Variants in SPP2 observed in about 807,000 individuals in gnomAD.
SPP2 encodes secreted phosphoprotein 24.
SPP2 carries 34 observed loss-of-function variants against 28.8 expected under a neutral mutation model. The ratio of observed to expected loss-of-function variants is 1.18; its 90% CI spans 0.90 to 1.57. The LOEUF (loss-of-function observed/expected upper bound fraction) is 1.57, where lower values mean the gene tolerates loss of function less well. Among genes scored for constraint, SPP2 ranks in the 40% most tolerant of loss-of-function variants. The pLI, the probability that SPP2 is intolerant of heterozygous loss-of-function variation, is 0.00. For missense variants in SPP2, 269 were observed against 263.9 expected (o/e 1.02, Z -0.13); for synonymous variants, 96 against 89.4 (o/e 1.07, Z -0.42).
At chr2:234,058,256 G>A (rs575704815) in intron 2 of SPP2, among the ~76,000 whole-genome samples, 49 of 152,068 alleles carry the variant, frequency 3.2e-4, no homozygotes, top group African/African-American at 1.2e-3. Context: ...CCAGGCTTGG[G>A]GGCCATCATA....
Position 234,067,913 on chromosome 2 carries a change from A to G in SPP2, c.550+639A>G, listed in dbSNP as rs28903707. Among the ~76,000 whole-genome samples, 800 of 151,446 alleles carry G rather than the reference A, an allele frequency of 5.3e-3. 5 individuals carry two copies. Among genetic ancestry groups the G allele is most frequent in the Non-Finnish European group, 7.1e-3 (479 of 67,924 alleles). On this transcript the variant is annotated intron_variant, in intron 6 of 7. Coordinates refer to ENST00000168148, the MANE Select transcript of SPP2 (RefSeq NM_006944.3). ...TTTAAAAAGTAGCATGAACTCTAAT[A>G]TAATCTTGTTTTTTTAAACTAAAAA...
chr2:234,052,748 A>C (rs894834558), intron 2 of SPP2, among the ~76,000 whole-genome samples: 2 of 152,098 alleles, frequency 1.3e-5, no homozygotes, highest in Non-Finnish European at 2.9e-5. Flanking sequence ...TGATTATTCA[A>C]ATTCATTGGT....
chr2:234,072,459 C>T (rs889225578), intron 7 of SPP2, among the ~76,000 whole-genome samples: 2 of 151,934 alleles, frequency 1.3e-5, no homozygotes, highest in African/African-American at 4.8e-5. Context: ...AATGGATTGG[C>T]TGTATTTTGT....
intron 4 of SPP2, among the ~76,000 whole-genome samples, chr2:234,065,812 G>A (rs1297631871): frequency 6.6e-6 from 1 of 151,936 alleles, no homozygotes; most frequent in African/African-American, 2.4e-5. Context: ...TCTATTTTTT[G>A]TTTTGTTGTT....
chr2:234,052,177 G>C (rs1693511618), intron 2 of SPP2, among the ~76,000 whole-genome samples: 1 of 152,154 alleles, frequency 6.6e-6, no homozygotes, highest in African/African-American at 2.4e-5. Flanking sequence ...ATCATGGCCA[G>C]AGTGGAGTCA....
At chr2:234,062,638 A>G (rs1305793906) in intron 4 of SPP2, among the ~76,000 whole-genome samples, 1 of 152,194 alleles carries the variant, frequency 6.6e-6, no homozygotes, top group Non-Finnish European at 1.5e-5. Flanking sequence ...ATAAATATGG[A>G]GTAAATATGA....
chr2:234,072,902 T>TTTTGAGACAGAGTGTTGC (rs1690824224), intron 7 of SPP2, among the ~76,000 whole-genome samples: 1 of 152,238 alleles, frequency 6.6e-6, no homozygotes, highest in East Asian at 1.9e-4. Flanking sequence ...TTCCTTTTTA[T>TTTTGAGACAGAGTGTTGC]TTTGAGACAG....
intron 6 of SPP2, among the ~76,000 whole-genome samples, chr2:234,068,874 G>A (rs1693878527): frequency 6.6e-6 from 1 of 152,128 alleles, no homozygotes; most frequent in African/African-American, 2.4e-5. Context: ...AAATGTGGCA[G>A]CTTAAAACCA....
intron 6 of SPP2, among the ~76,000 whole-genome samples, chr2:234,067,902 T>C (rs1693859503): frequency 6.6e-6 from 1 of 151,090 alleles, no homozygotes; most frequent in Non-Finnish European, 1.5e-5. Context: ...AAAAGTAGCA[T>C]GAACTCTAAT....
intron 7 of SPP2, among the ~76,000 whole-genome samples, chr2:234,073,745 T>C (rs1225684880): frequency 6.6e-6 from 1 of 152,202 alleles, no homozygotes; most frequent in East Asian, 1.9e-4. Context: ...CATAGCTGCA[T>C]GAGTGATGCA....
chr2:234,053,984 C>G (rs1409515611), intron 2 of SPP2, among the ~76,000 whole-genome samples: 1 of 152,152 alleles, frequency 6.6e-6, no homozygotes, highest in Non-Finnish European at 1.5e-5. Flanking sequence ...AAACCAAATT[C>G]ATTTCCAATA....
intron 4 of SPP2, among the ~76,000 whole-genome samples, chr2:234,062,424 C>A (rs1693738930): frequency 6.6e-6 from 1 of 152,026 alleles, no homozygotes; most frequent in South Asian, 2.1e-4. Context: ...TCCATTACAA[C>A]AGGAATGAGA....
intron 5 of SPP2, among the ~76,000 whole-genome samples, chr2:234,066,808 A>G (rs1044436275): frequency 2.6e-5 from 4 of 152,232 alleles, no homozygotes; most frequent in African/African-American, 9.6e-5. Context: ...TTCACAACAG[A>G]GCTTTTCCAT....
chr2:234,071,428 T>C (rs760624890), intron 7 of SPP2, among the ~76,000 whole-genome samples: 21 of 152,206 alleles, frequency 1.4e-4, no homozygotes, highest in Non-Finnish European at 1.8e-4. Flanking sequence ...TGGTTTATCA[T>C]ACTGGCACTG....
At chr2:234,060,856 G>C (rs10178472) in intron 4 of SPP2, among the ~76,000 whole-genome samples, 1 of 151,796 alleles carries the variant, frequency 6.6e-6, no homozygotes, top group Admixed American at 6.6e-5. Context: ...TAAAGTTTCA[G>C]ATCTAAGTAT....
At chr2:234,075,015 A>C (rs1246975633) in intron 7 of SPP2, among the ~76,000 whole-genome samples, 1 of 151,986 alleles carries the variant, frequency 6.6e-6, no homozygotes, top group African/African-American at 2.4e-5. Context: ...AAAAAAAAAA[A>C]AAAAAATGGG....
intron 4 of SPP2, among the ~76,000 whole-genome samples, chr2:234,061,122 C>G (rs994154973): frequency 2.0e-5 from 3 of 152,128 alleles, no homozygotes; most frequent in African/African-American, 7.2e-5. Context: ...TGGCAGGACC[C>G]TTATTTTTCC....
chr2:234,073,233 G>T (rs1338891571), intron 7 of SPP2, among the ~76,000 whole-genome samples: 2 of 152,118 alleles, frequency 1.3e-5, no homozygotes, highest in African/African-American at 4.8e-5. Flanking sequence ...AATTATTGCA[G>T]TTTTACAACA....
rs997804001 is a variant in SPP2, at chr2:234,070,080, A to G, written c.*10+57A>G. Reference sequence around the variant, plus strand: ...TAGAAATAGAAGCTACGTGGAGTGAACGCCTTAAAACTGCTGACCTTCAAA... The same window carrying G: ...TAGAAATAGAAGCTACGTGGAGTGAGCGCCTTAAAACTGCTGACCTTCAAA... On this transcript the variant is annotated intron_variant, in intron 7 of 7. Transcript: ENST00000168148. 4 of 1,378,110 alleles carry G rather than the reference A, an allele frequency of 2.9e-6. No individual in the cohort carries two copies. In the African/African-American group the frequency reaches 4.3e-5, roughly 15 times the overall value. The allele number at this position is 1,378,110 out of a possible 1,614,324, so 85.4% of individuals were successfully genotyped here.
Sources: allele counts gnomAD v4.1 joint callset (sites outside exome capture counted in the v4.1 genomes callset), GRCh38; gene constraint gnomAD v4.1.1; transcripts MANE v1.5; gene names NCBI Gene and HGNC (gene_info 2026-07-23, HGNC 2026-07-21).